Variants in WFS1 observed in about 807,000 individuals in gnomAD.
The protein encoded by WFS1 is wolframin ER transmembrane glycoprotein.
A neutral mutation model predicts 68.5 loss-of-function variants in WFS1; 90 were observed. The ratio of observed to expected loss-of-function variants is 1.31; its 90% CI spans 1.11 to 1.56. The LOEUF is 1.56. Among genes scored for constraint, WFS1 ranks in the 40% most tolerant of loss-of-function variants. WFS1 has a pLI of 0.00. For synonymous variants in WFS1, 860 were observed against 540.7 expected (o/e 1.59, Z -8.19); for missense variants, 1,767 against 1,232.6 (o/e 1.43, Z -6.49).
chr4:6,286,745 A>G (rs1222667252), intron 2 of WFS1, among the ~76,000 whole-genome samples: 5 of 152,206 alleles, frequency 3.3e-5, no homozygotes, highest in African/African-American at 4.8e-5. Flanking sequence ...GGATCTTTCT[A>G]GAGCCCCAGC....
At position 6,301,556 on chromosome 4, in the gene WFS1, G is replaced by T; in HGVS notation, c.1761G>T (p.Arg587=). The change falls in exon 8 of 8, where the codon CGG becomes CGT. Residue 587 remains arginine (R), a synonymous_variant. Transcript: ENST00000226760. ...LALVGVLQFA[R]WFTSLELTKI... The stretch of plus-strand genomic sequence containing the variant: ...TGGTGGGCGTGCTGCAGTTCGCCCG[G>T]TGGTTCACGTCTCTGGAGCTCACCA... 5 of 1,614,150 alleles carry T rather than the reference G, an allele frequency of 3.1e-6. No homozygotes were observed. Among genetic ancestry groups the T allele is most frequent in the Non-Finnish European group, 4.2e-6 (5 of 1,180,046 alleles).
At chr4:6,284,473 T>TG (rs1394903499) in intron 2 of WFS1, among the ~76,000 whole-genome samples, 1 of 152,172 alleles carries the variant, frequency 6.6e-6, no homozygotes, top group Admixed American at 6.5e-5. Context: ...AATTATGGAC[T>TG]GGAAGAATCT....
At chr4:6,296,710 C>T (rs894016392) in intron 7 of WFS1, among the ~76,000 whole-genome samples, 1 of 152,236 alleles carries the variant, frequency 6.6e-6, no homozygotes, top group Non-Finnish European at 1.5e-5. Flanking sequence ...CAGTTTATGC[C>T]ATCTGGTGTA....
chr4:6,274,354 T>A (rs57577006), intron 1 of WFS1, among the ~76,000 whole-genome samples: 2 of 150,936 alleles, frequency 1.3e-5, no homozygotes, highest in Non-Finnish European at 3.0e-5. Context: ...GCCGGCTTAG[T>A]TTTTTTTTAA....
intron 7 of WFS1, among the ~76,000 whole-genome samples, chr4:6,300,365 G>A (rs554121062): frequency 4.7e-4 from 71 of 152,222 alleles, no homozygotes; most frequent in Non-Finnish European, 7.6e-4. Context: ...TGGAGGTCTT[G>A]CAGGGAGAGA....
At position 6,284,509 on chromosome 4, in the gene WFS1, C is replaced by A. The variant is rs555932450; in HGVS notation, c.233-2584C>A. Among the ~76,000 whole-genome samples, 31 of 152,090 alleles carry A rather than the reference C, an allele frequency of 2.0e-4. No individual in the cohort carries two copies. In the South Asian group the frequency reaches 6.3e-3, roughly 31 times the overall value. ...TTTTAGACCACCATATAGACTTGGA[C>A]CTTCCATGTTTTGATTTTTTTAAAA... On this transcript the variant is annotated intron_variant, in intron 2 of 7. Coordinates refer to ENST00000226760, the MANE Select transcript of WFS1 (RefSeq NM_006005.3).
At chr4:6,288,191 T>TGA (rs1730364509) in intron 3 of WFS1, among the ~76,000 whole-genome samples, 1 of 143,550 alleles carries the variant, frequency 7.0e-6, no homozygotes, top group South Asian at 2.2e-4. Flanking sequence ...CGCTCCCAAC[T>TGA]GAGCAACAGA....
In WFS1 at chr4:6,301,311, C is replaced by T. The variant is rs1730898883; in HGVS notation, c.1516C>T (p.Leu506=). The T allele has an allele frequency of 6.2e-7, 1 of 1,611,570 alleles. No individual in the cohort carries two copies. Among genetic ancestry groups the T allele is most frequent in the African/African-American group, 1.3e-5 (1 of 75,056 alleles). ...CGTCCTCAACGTCAGCGTCCCGTGC[C>T]TGCTCTATGTCTACCTGCTCTATCT... ...LVVLNVSVPC[L]LYVYLLYLFF... is the part of the protein sequence containing the mutation. The change falls in exon 8 of 8, where the codon CTG becomes TTG. Residue 506 remains leucine (L), a synonymous_variant. Transcript: ENST00000226760.
At chr4:6,299,861 GTGTGTAGGGGTGGGCTGCA>G in intron 7 of WFS1, among the ~76,000 whole-genome samples, 1 of 138,692 alleles carries the variant, frequency 7.2e-6, no homozygotes, top group African/African-American at 2.8e-5. Context: ...GTGAATGCGT[GTGTGTAGGGGTGGGCTGCA>G]TGTGTGTGTG....
rs569671244 is a variant in WFS1, at chr4:6,283,915, C to G, written c.233-3178C>G. ...TGGTGGTCCACACTGATGCAGCCGG[C>G]TTCTGGGGGTGATCTTTCTGGCACT... On this transcript the variant is annotated intron_variant, in intron 2 of 7. Transcript: ENST00000226760. This position sits in a 1 kb window ranked among gnomAD's most constrained non-coding sequence, Gnocchi z 5.0. Among the ~76,000 whole-genome samples the G allele has an allele frequency of 6.6e-6, 1 of 152,062 alleles. No homozygotes were observed.
chr4:6,300,019 T>C (rs1730814765), intron 7 of WFS1, among the ~76,000 whole-genome samples: 1 of 151,838 alleles, frequency 6.6e-6, no homozygotes, highest in Non-Finnish European at 1.5e-5. Context: ...CTTCTCAGGG[T>C]CTCCGGCCAT....
intron 1 of WFS1, among the ~76,000 whole-genome samples, chr4:6,277,109 C>A (rs1730016369): frequency 6.6e-6 from 1 of 152,278 alleles, no homozygotes; most frequent in Non-Finnish European, 1.5e-5. Flanking sequence ...CATGGGTGGG[C>A]TCTGGGTGTT....
intron 3 of WFS1, chr4:6,288,783 C>A: frequency 1.4e-6 from 1 of 723,944 alleles, no homozygotes. Context: ...GTGGCCACAC[C>A]TTCCTCACCG....
intron 7 of WFS1, among the ~76,000 whole-genome samples, chr4:6,299,676 T>TTGAA (rs1413530883): frequency 6.1e-4 from 40 of 65,970 alleles, no homozygotes; most frequent in African/African-American, 1.2e-3. Context: ...GGTGGGTTGT[T>TTGAA]TGCGGGTAGG....
intron 7 of WFS1, among the ~76,000 whole-genome samples, chr4:6,298,913 C>G (rs1400132723): frequency 1.3e-5 from 2 of 152,232 alleles, no homozygotes; most frequent in African/African-American, 4.8e-5. Context: ...AGGCCCGGAG[C>G]TGATGGGGGG....
At chr4:6,288,913 G>A in intron 3 of WFS1, 74 bp from the exon 4 acceptor site, 1 of 1,567,256 alleles carries the variant, frequency 6.4e-7, no homozygotes, top group Non-Finnish European at 8.7e-7. Flanking sequence ...TGGGTGAAAG[G>A]AGGTGGGCTG....
At chr4:6,280,291 T>C (rs1210065066) in intron 2 of WFS1, among the ~76,000 whole-genome samples, 2 of 152,228 alleles carry the variant, frequency 1.3e-5, no homozygotes, top group Non-Finnish European at 2.9e-5. Flanking sequence ...GGCACCTGCC[T>C]GTCGGTGGCT....
At chr4:6,272,395 T>C (rs1271424302) in intron 1 of WFS1, among the ~76,000 whole-genome samples, 1 of 152,212 alleles carries the variant, frequency 6.6e-6, no homozygotes, top group Admixed American at 6.5e-5. Context: ...TCTGTTCCTG[T>C]GAATGTGCCA....
intron 2 of WFS1, among the ~76,000 whole-genome samples, chr4:6,279,570 G>A (rs1459505140): frequency 6.6e-6 from 1 of 152,172 alleles, no homozygotes; most frequent in African/African-American, 2.4e-5. Flanking sequence ...AGGTTGGCCT[G>A]TCCCTAGATC....
Sources: gnomAD v4.1 joint callset for allele counts (sites outside exome capture counted in the v4.1 genomes callset) on GRCh38, gnomAD v4.1.1 for gene constraint, Gnocchi (gnomAD v3.1) non-coding constraint, MANE v1.5 for transcripts, NCBI Gene and HGNC (gene_info 2026-07-23, HGNC 2026-07-21) for gene names.